TAF4: variants seen among roughly 807,000 people sequenced by gnomAD.
TAF4 encodes TATA-box binding protein associated factor 4.
A neutral mutation model predicts 90.3 loss-of-function variants in TAF4; 9 were observed. That is an observed-to-expected ratio of 0.10 (90% CI 0.06 to 0.17). The LOEUF (loss-of-function observed/expected upper bound fraction) is 0.17, where lower values mean the gene tolerates loss of function less well. Among genes scored for constraint, TAF4 ranks in the 10% least tolerant of loss-of-function variants. TAF4 has a pLI of 1.00. For synonymous variants in TAF4, 818 were observed against 638.9 expected, an observed-to-expected ratio of 1.28 and a Z score of -4.23; for missense variants, 1,351 against 1,370.7, an observed-to-expected ratio of 0.99 and a Z score of 0.23.
intron 8 of TAF4, among the ~76,000 whole-genome samples, chr20:62,003,510 TAAAG>T (rs1002785911): frequency 3.3e-5 from 5 of 152,288 alleles, no homozygotes; most frequent in Non-Finnish European, 5.9e-5. Flanking sequence ...TGATTACAGA[TAAAG>T]AAGCTAACCA....
rs1227619502 is a variant in TAF4 at position 61,976,004 on chromosome 20, T to A, written c.*164A>T. 3 of 714,994 alleles carry A rather than the reference T, an allele frequency of 4.2e-6. No individual in the cohort carries two copies. In the African/African-American group the frequency reaches 5.4e-5, roughly 13 times the overall value. 44.3% of individuals were successfully genotyped at this position (714,994 alleles called of 1,614,324 possible). On this transcript the variant is annotated 3_prime_UTR_variant, in exon 15 of 15. Coordinates refer to ENST00000252996, the MANE Select transcript of TAF4 (RefSeq NM_003185.4). ...CCACAGGCCTTTGTGTTCTCTCTGT[T>A]ACAGAAACGTGTTTTCTTTCACACT...
At chr20:62,049,157 G>T (rs1448157711) in intron 1 of TAF4, among the ~76,000 whole-genome samples, 2 of 151,938 alleles carry the variant, frequency 1.3e-5, no homozygotes, top group Non-Finnish European at 2.9e-5. Context: ...ATGGCTGCTG[G>T]TTCTCCAGGT....
chr20:62,062,896 G>A (rs1355316162), intron 1 of TAF4, among the ~76,000 whole-genome samples: 12 of 152,214 alleles, frequency 7.9e-5, no homozygotes, highest in Admixed American at 7.9e-4. Flanking sequence ...GGCCTGCGCT[G>A]AGACACGTGG....
intron 1 of TAF4, among the ~76,000 whole-genome samples, chr20:62,041,572 T>C (rs2055963956): frequency 6.6e-6 from 1 of 151,806 alleles, no homozygotes; most frequent in South Asian, 2.1e-4. Flanking sequence ...GAGGTTGCAG[T>C]GAGCCGAAAT....
chr20:61,996,633 TC>T (rs1314265594), intron 14 of TAF4, among the ~76,000 whole-genome samples: 1 of 150,516 alleles, frequency 6.6e-6, no homozygotes, highest in Admixed American at 6.6e-5. Flanking sequence ...ACCCCGTCTC[TC>T]CTAAAAATAC....
intron 1 of TAF4, among the ~76,000 whole-genome samples, chr20:62,016,681 G>A (rs1314738306): frequency 1.3e-5 from 2 of 152,206 alleles, no homozygotes; most frequent in South Asian, 2.1e-4. Context: ...CCTATTGAGG[G>A]ACTTCACCTT....
chr20:62,029,220 A>AT (rs1212153124), intron 1 of TAF4, among the ~76,000 whole-genome samples: 1 of 152,028 alleles, frequency 6.6e-6, no homozygotes, highest in Non-Finnish European at 1.5e-5. Flanking sequence ...AAACTTAGGA[A>AT]TTAATGGATC....
intron 9 of TAF4, 114 bp from the exon 10 acceptor site, chr20:62,000,835 G>A (rs2055695819): frequency 8.8e-7 from 1 of 1,130,914 alleles, no homozygotes; most frequent in African/African-American, 1.5e-5. Flanking sequence ...AGGAGGCCAG[G>A]CCTCTGTCCT....
intron 6 of TAF4, chr20:62,007,045 G>C: frequency 2.9e-6 from 1 of 341,644 alleles, no homozygotes; most frequent in Non-Finnish European, 5.2e-6. Flanking sequence ...CACTGGAAGA[G>C]AAGATTCTGA....
chr20:61,995,637 G>A (rs2055658922), intron 14 of TAF4, among the ~76,000 whole-genome samples: 2 of 15,952 alleles, frequency 1.3e-4, no homozygotes, highest in Admixed American at 9.5e-4. Context: ...GCCGAGGCGG[G>A]TGGATCATGA....
At chr20:62,061,966 T>TGAAAC (rs1349743289) in intron 1 of TAF4, among the ~76,000 whole-genome samples, 1 of 152,144 alleles carries the variant, frequency 6.6e-6, no homozygotes, top group Non-Finnish European at 1.5e-5. Flanking sequence ...GACTTCAGGG[T>TGAAAC]GAAACCTCTG....
At chr20:61,994,326 CA>C (rs2055650344) in intron 14 of TAF4, among the ~76,000 whole-genome samples, 3 of 152,236 alleles carry the variant, frequency 2.0e-5, no homozygotes, top group Admixed American at 2.0e-4. Flanking sequence ...CATCCCGGGC[CA>C]AGACTCCCAG....
At chr20:62,013,034 C>T in intron 2 of TAF4, 100 bp from the exon 3 acceptor site, 1 of 1,501,774 alleles carries the variant, frequency 6.7e-7, no homozygotes, top group Non-Finnish European at 8.9e-7. Context: ...CTAGTATATC[C>T]AAGTGGGTCC....
At chr20:62,060,015 G>A (rs913443014) in intron 1 of TAF4, among the ~76,000 whole-genome samples, 1 of 152,238 alleles carries the variant, frequency 6.6e-6, no homozygotes, top group Non-Finnish European at 1.5e-5. Context: ...CTCTGATTTC[G>A]GGATGCGGAC....
At chr20:62,036,867 G>C (rs2055935425) in intron 1 of TAF4, among the ~76,000 whole-genome samples, 1 of 152,168 alleles carries the variant, frequency 6.6e-6, no homozygotes, top group African/African-American at 2.4e-5. Flanking sequence ...GGGACTTTGG[G>C]GGCCCAGCCC....
At chr20:62,063,573 C>A (rs557438158) in intron 1 of TAF4, among the ~76,000 whole-genome samples, 3 of 152,320 alleles carry the variant, frequency 2.0e-5, no homozygotes, top group East Asian at 3.9e-4. Context: ...AACTGCCAGG[C>A]GGAAGTGGCG....
chr20:62,037,249 C>A (rs921797711), intron 1 of TAF4, among the ~76,000 whole-genome samples: 23 of 152,056 alleles, frequency 1.5e-4, no homozygotes, highest in African/African-American at 5.3e-4. Context: ...TCATATTACA[C>A]TGGAGGTTGT....
At chr20:61,987,802 A>G (rs1417348519) in intron 14 of TAF4, among the ~76,000 whole-genome samples, 1 of 152,270 alleles carries the variant, frequency 6.6e-6, no homozygotes, top group Non-Finnish European at 1.5e-5. Context: ...CATAATTGCC[A>G]AAACTTGCAA....
chr20:62,019,953 C>T (rs986015084), intron 1 of TAF4, among the ~76,000 whole-genome samples: 3 of 152,216 alleles, frequency 2.0e-5, no homozygotes, highest in Admixed American at 6.5e-5. Flanking sequence ...GCACAAACCC[C>T]GGCCCTGGGC....
Sources: gnomAD v4.1 joint callset for allele counts (sites outside exome capture counted in the v4.1 genomes callset) on GRCh38, gnomAD v4.1.1 for gene constraint, MANE v1.5 for transcripts, NCBI Gene and HGNC (gene_info 2026-07-23, HGNC 2026-07-21) for gene names.